The following TAFA4 variants were observed in gnomAD, a reference collection of about 807,000 sequenced individuals.
The protein encoded by TAFA4 is TAFA chemokine like family member 4.
In TAFA4, 20 loss-of-function variants were observed where a neutral mutation model predicts 21.1. The ratio of observed to expected loss-of-function variants is 0.95; its 90% CI spans 0.67 to 1.38. TAFA4 has a LOEUF of 1.38. Among genes scored for constraint, TAFA4 ranks in the 40% most tolerant of loss-of-function variants. The probability of loss-of-function intolerance (pLI) is 0.00; values close to 1 mark genes in which losing one functional copy is unlikely to be tolerated. For synonymous variants in TAFA4, 71 were observed against 67.4 expected, an observed-to-expected ratio of 1.05 and a Z score of -0.26; for missense variants, 211 against 180.9, an observed-to-expected ratio of 1.17 and a Z score of -0.95.
intron 3 of TAFA4, among the ~76,000 whole-genome samples, chr3:68,766,776 A>T (rs997338027): frequency 4.6e-5 from 7 of 152,218 alleles, no homozygotes; most frequent in African/African-American, 1.7e-4. Context: ...TGAAGAGCAG[A>T]CCTACACCAA....
chr3:68,912,706 GT>G (rs2089972226), intron 1 of TAFA4, among the ~76,000 whole-genome samples: 2 of 152,190 alleles, frequency 1.3e-5, no homozygotes, highest in Non-Finnish European at 2.9e-5. Context: ...ATTCATGGCT[GT>G]TCTTTTAAGC....
intron 3 of TAFA4, among the ~76,000 whole-genome samples, chr3:68,783,614 C>T (rs1390782369): frequency 6.7e-6 from 1 of 149,948 alleles, no homozygotes; most frequent in East Asian, 2.0e-4. Flanking sequence ...TTTTGACTCT[C>T]CAGATGGCTC....
intron 3 of TAFA4, among the ~76,000 whole-genome samples, chr3:68,831,962 G>C (rs1458493678): frequency 6.6e-6 from 1 of 151,982 alleles, no homozygotes; most frequent in Non-Finnish European, 1.5e-5. Flanking sequence ...TCTTGTCCTT[G>C]ATCAAATTGG....
intron 1 of TAFA4, among the ~76,000 whole-genome samples, chr3:68,893,874 A>AT (rs2089757940): frequency 6.6e-6 from 1 of 152,196 alleles, no homozygotes; most frequent in Non-Finnish European, 1.5e-5. Context: ...CTATGCTAAC[A>AT]TTTTTAACTG....
intron 3 of TAFA4, among the ~76,000 whole-genome samples, chr3:68,779,015 A>G (rs1415291549): frequency 6.6e-6 from 1 of 152,222 alleles, no homozygotes; most frequent in Non-Finnish European, 1.5e-5. Flanking sequence ...AGCGATAAGG[A>G]CAATAAAGTC....
chr3:68,802,245 G>C (rs1393684619), intron 3 of TAFA4, among the ~76,000 whole-genome samples: 1 of 152,046 alleles, frequency 6.6e-6, no homozygotes, highest in Non-Finnish European at 1.5e-5. Flanking sequence ...TTTTCTAAGT[G>C]TTCCATTTTG....
Position 68,866,780 on chromosome 3 carries a change from CA to C in TAFA4, c.130+13949del, listed in dbSNP as rs1238639170. Among the ~76,000 whole-genome samples the C allele has an allele frequency of 2.7e-5, 4 of 148,074 alleles. No homozygotes were observed. In the East Asian group the frequency reaches 7.9e-4, roughly 29 times the overall value. ...ACTGAGAAATTCATGTGTTGGACCACAAAATGCATTAGAAGTTCTCAATAGC... is the reference window on the plus strand; with the variant it reads ...ACTGAGAAATTCATGTGTTGGACCACAAATGCATTAGAAGTTCTCAATAGC... On this transcript the variant is annotated intron_variant, in intron 3 of 5. Transcript: ENST00000295569.
At chr3:68,733,247 T>G in intron 5 of TAFA4, 94 bp from the exon 6 acceptor site, 1 of 1,468,792 alleles carries the variant, frequency 6.8e-7, no homozygotes, top group South Asian at 1.3e-5. Context: ...TGACTGTGAA[T>G]ACTTTATCAG....
intron 1 of TAFA4, among the ~76,000 whole-genome samples, chr3:68,928,437 T>C (rs1559566341): frequency 6.6e-6 from 1 of 152,230 alleles, no homozygotes; most frequent in African/African-American, 2.4e-5. Context: ...TAGATTGATA[T>C]TCTGAGTTCT....
intron 3 of TAFA4, among the ~76,000 whole-genome samples, chr3:68,822,366 C>A (rs1188149134): frequency 1.3e-5 from 2 of 152,314 alleles, no homozygotes; most frequent in Middle Eastern, 3.4e-3. Flanking sequence ...ATGGCCAGCA[C>A]AATCTACTTG....
intron 3 of TAFA4, among the ~76,000 whole-genome samples, chr3:68,861,030 A>ACCCCCCCCCCCCCCCCCC (rs113804738): frequency 9.0e-6 from 1 of 111,020 alleles, no homozygotes; most frequent in African/African-American, 3.2e-5. Context: ...TTAAATATGC[A>ACCCCCCCCCCCCCCCCCC]CCCCCCCCCC....
In TAFA4 at chr3:68,828,147, T is replaced by A. The variant is rs368461178; in HGVS notation, c.130+52583A>T. ...TTAAATAGGGAATCCTTTCCCCATTTCTTGTTTTTTGTCAGGTTTGTCAAA... is the reference window on the plus strand; with the variant it reads ...TTAAATAGGGAATCCTTTCCCCATTACTTGTTTTTTGTCAGGTTTGTCAAA... On this transcript the variant is annotated intron_variant, in intron 3 of 5. Coordinates refer to ENST00000295569, the MANE Select transcript of TAFA4 (RefSeq NM_182522.5). Among the ~76,000 whole-genome samples, 19 of 152,320 alleles carry A rather than the reference T, an allele frequency of 1.2e-4. No individual in the cohort carries two copies. In the East Asian group the frequency reaches 3.3e-3, roughly 26 times the overall value.
chr3:68,758,563 G>A (rs1385514300), intron 3 of TAFA4, among the ~76,000 whole-genome samples: 1 of 152,206 alleles, frequency 6.6e-6, no homozygotes, highest in Non-Finnish European at 1.5e-5. Flanking sequence ...TTGTGGAACT[G>A]TGAGTCCATT....
At chr3:68,852,586 A>G (rs917592483) in intron 3 of TAFA4, among the ~76,000 whole-genome samples, 9 of 152,178 alleles carry the variant, frequency 5.9e-5, no homozygotes, top group African/African-American at 1.7e-4. Context: ...TGGAGAACCC[A>G]GGGTAGGGGG....
At chr3:68,839,916 A>C (rs1454528658) in intron 3 of TAFA4, among the ~76,000 whole-genome samples, 1 of 152,218 alleles carries the variant, frequency 6.6e-6, no homozygotes, top group Non-Finnish European at 1.5e-5. Flanking sequence ...TGCTGGGTCT[A>C]TCATGGAAAT....
At chr3:68,928,166 A>G (rs2090126844) in intron 1 of TAFA4, among the ~76,000 whole-genome samples, 1 of 152,210 alleles carries the variant, frequency 6.6e-6, no homozygotes, top group Non-Finnish European at 1.5e-5. Context: ...AGAATGACTA[A>G]AAAAGATTCA....
At chr3:68,906,490 G>C (rs2089902068) in intron 1 of TAFA4, among the ~76,000 whole-genome samples, 1 of 152,192 alleles carries the variant, frequency 6.6e-6, no homozygotes, top group Non-Finnish European at 1.5e-5. Context: ...AGCCTTCTGA[G>C]ACAGGGACTC....
intron 4 of TAFA4, among the ~76,000 whole-genome samples, chr3:68,745,109 G>A (rs959563310): frequency 1.4e-4 from 22 of 152,142 alleles, no homozygotes; most frequent in Non-Finnish European, 2.2e-4. Context: ...TGCAAATTCC[G>A]TTATGAGTTA....
At chr3:68,768,754 G>C (rs114771601) in intron 3 of TAFA4, among the ~76,000 whole-genome samples, 2 of 152,014 alleles carry the variant, frequency 1.3e-5, no homozygotes, top group African/African-American at 4.8e-5. Flanking sequence ...GCATACTATC[G>C]GGTCATTTAA....
Sources: allele counts gnomAD v4.1 joint callset (sites outside exome capture counted in the v4.1 genomes callset), GRCh38; gene constraint gnomAD v4.1.1; transcripts MANE v1.5; gene names NCBI Gene and HGNC (gene_info 2026-07-23, HGNC 2026-07-21).